The following AP1B1 variants were observed in gnomAD, a reference collection of about 807,000 sequenced individuals.
AP1B1 encodes AP-1 complex subunit beta-1.
A neutral mutation model predicts 104.3 loss-of-function variants in AP1B1; 36 were observed. The ratio of observed to expected loss-of-function variants is 0.35; its 90% CI spans 0.26 to 0.46. AP1B1 has a LOEUF of 0.46. Ranked by LOEUF, AP1B1 falls within the 20% of genes least tolerant of loss-of-function variation. The pLI is 1.00. For missense variants in AP1B1, 901 were observed against 1,247.9 expected (o/e 0.72, Z 4.19); for synonymous variants, 504 against 517.5 (o/e 0.97, Z 0.35).
intron 6 of AP1B1, among the ~76,000 whole-genome samples, chr22:29,355,983 C>T (rs540683672): frequency 6.6e-6 from 1 of 152,324 alleles, no homozygotes; most frequent in South Asian, 2.1e-4. Flanking sequence ...AGGTGAGCCC[C>T]AGCCAGGGGA....
intron 7 of AP1B1, among the ~76,000 whole-genome samples, chr22:29,354,370 G>A (rs2061922146): frequency 6.6e-6 from 1 of 152,074 alleles, no homozygotes; most frequent in African/African-American, 2.4e-5. Context: ...TTACTGTGAG[G>A]GGCTATTCTG....
intron 15 of AP1B1, 94 bp downstream of exon 15, chr22:29,339,660 G>A (rs2061685699): frequency 7.2e-7 from 1 of 1,383,016 alleles, no homozygotes; most frequent in East Asian, 2.4e-5. Flanking sequence ...GGAGGCTGCT[G>A]TGACATCACC....
At chr22:29,384,446 G>A (rs2062488950) in intron 1 of AP1B1, among the ~76,000 whole-genome samples, 1 of 150,362 alleles carries the variant, frequency 6.7e-6, no homozygotes, top group Admixed American at 6.6e-5. Context: ...TAGGAGTCAA[G>A]GAATCCTAAC....
intron 9 of AP1B1, 34 bp downstream of exon 9, chr22:29,351,137 T>G: frequency 6.3e-7 from 1 of 1,579,298 alleles, no homozygotes; most frequent in Non-Finnish European, 8.6e-7. Flanking sequence ...CCCCTTTTCC[T>G]TCTCCAGCCA....
intron 22 of AP1B1, chr22:29,329,296 C>G (rs1460705433): frequency 2.6e-6 from 3 of 1,162,026 alleles, no homozygotes; most frequent in Non-Finnish European, 3.2e-6. Flanking sequence ...TGGGAGGGAG[C>G]CTGGAGGGGT....
intron 3 of AP1B1, among the ~76,000 whole-genome samples, chr22:29,360,549 C>T (rs906014319): frequency 6.6e-6 from 1 of 152,178 alleles, no homozygotes; most frequent in Non-Finnish European, 1.5e-5. Context: ...CCGGTAAGAA[C>T]CAGCACAGCA....
intron 22 of AP1B1, 61 bp downstream of exon 22, chr22:29,329,651 G>A: frequency 2.5e-6 from 4 of 1,610,442 alleles, no homozygotes; most frequent in South Asian, 2.2e-5. Context: ...GGTGCATGGG[G>A]GCCATGACAG....
chr22:29,339,107 A>T lies in AP1B1; in HGVS notation c.2046T>A (p.Pro682=). ...GATTGGCTGGTACTGCTGCTGTTGG[A>T]GGTGCCACGAAGTTGGTGCCCCCAA... ...EGIGGTNFVA[P]PTAAVPANLG... Residue 682 remains proline (P), a synonymous_variant, in exon 16 of 23, where the codon CCT becomes CCA. Coordinates refer to ENST00000357586, the MANE Select transcript of AP1B1 (RefSeq NM_001127.4). The T allele has an allele frequency of 6.2e-7, 1 of 1,614,116 alleles. No individual in the cohort carries two copies. The highest frequency in any genetic ancestry group is 2.2e-5 in the East Asian group (1 of 44,872).
chr22:29,371,280 C>T (rs547187527), intron 1 of AP1B1, among the ~76,000 whole-genome samples: 1 of 152,192 alleles, frequency 6.6e-6, no homozygotes, highest in Non-Finnish European at 1.5e-5. Flanking sequence ...CAGTTCAGTC[C>T]TAACGGGGCT....
At chr22:29,386,279 T>A (rs931242315) in intron 1 of AP1B1, among the ~76,000 whole-genome samples, 3 of 152,252 alleles carry the variant, frequency 2.0e-5, no homozygotes, top group African/African-American at 7.2e-5. Flanking sequence ...AGGAAGCTGC[T>A]GAGCTGGGGT....
At chr22:29,387,491 G>A (rs918878988) in intron 1 of AP1B1, among the ~76,000 whole-genome samples, 1 of 151,358 alleles carries the variant, frequency 6.6e-6, no homozygotes, top group African/African-American at 2.4e-5. Flanking sequence ...TATTTTTATT[G>A]GAGACAGGGT....
chr22:29,338,963 C>CG, intron 16 of AP1B1, 27 bp downstream of exon 16: 2 of 1,613,436 alleles, frequency 1.2e-6, no homozygotes, highest in Non-Finnish European at 1.7e-6. Context: ...TCTCTGCTCC[C>CG]GCCAAGACAG....
intron 4 of AP1B1, 90 bp from the exon 5 acceptor site, chr22:29,359,061 T>A: frequency 7.6e-7 from 1 of 1,316,788 alleles, no homozygotes; most frequent in South Asian, 1.4e-5. Context: ...TGAGCCCTGC[T>A]AGGCTGAGCG....
intron 18 of AP1B1, 62 bp from the exon 19 acceptor site, chr22:29,331,595 AAG>A: frequency 6.3e-7 from 1 of 1,597,400 alleles, no homozygotes; most frequent in Non-Finnish European, 8.6e-7. Flanking sequence ...AGGCCCCAGG[AAG>A]AGTGTCACTG....
intron 7 of AP1B1, among the ~76,000 whole-genome samples, chr22:29,353,071 G>A (rs2061901768): frequency 6.6e-6 from 1 of 152,190 alleles, no homozygotes; most frequent in Non-Finnish European, 1.5e-5. Context: ...GAGGGTGAGA[G>A]GCTGGTACTA....
intron 13 of AP1B1, 80 bp from the exon 14 acceptor site, chr22:29,340,937 GT>G: frequency 7.0e-7 from 1 of 1,423,742 alleles, no homozygotes; most frequent in East Asian, 2.5e-5. Flanking sequence ...AGGCAGAGCT[GT>G]CCCCCAGGAC....
chr22:29,343,999 T>C (rs2061751755), intron 11 of AP1B1, among the ~76,000 whole-genome samples: 1 of 151,294 alleles, frequency 6.6e-6, no homozygotes, highest in South Asian at 2.1e-4. Context: ...TAATCCCAGC[T>C]ACTCGGAGGC....
chr22:29,349,986 G>T, intron 10 of AP1B1, 49 bp downstream of exon 10: 4 of 1,440,868 alleles, frequency 2.8e-6, no homozygotes, highest in Non-Finnish European at 3.9e-6. Context: ...CGCCATCCCT[G>T]TCCCCAGGCA....
At chr22:29,351,894 C>A in intron 7 of AP1B1, 69 bp from the exon 8 acceptor site, 1 of 1,582,132 alleles carries the variant, frequency 6.3e-7, no homozygotes, top group South Asian at 1.1e-5. Context: ...ATGCCCTCCA[C>A]ATTTGCTGGG....
Sources: gnomAD v4.1 joint callset for allele counts (sites outside exome capture counted in the v4.1 genomes callset) on GRCh38, gnomAD v4.1.1 for gene constraint, MANE v1.5 for transcripts, NCBI Gene and HGNC (gene_info 2026-07-23, HGNC 2026-07-21) for gene names.